NOX3: variants seen among roughly 807,000 people sequenced by gnomAD.
NOX3 encodes the protein NADPH oxidase catalytic subunit-like 3.
A neutral mutation model predicts 76.7 loss-of-function variants in NOX3; 74 were observed. The observed-to-expected ratio is 0.96, with a 90% CI of 0.80 to 1.17. The LOEUF is 1.17. NOX3 is among the 50% of genes most tolerant of loss of function. NOX3 has a pLI of 0.00. For missense variants in NOX3, 695 were observed against 703.3 expected, an observed-to-expected ratio of 0.99 and a Z score of 0.13; for synonymous variants, 263 against 261.1, an observed-to-expected ratio of 1.01 and a Z score of -0.07.
chr6:155,447,503 C>T (rs1777079330), intron 4 of NOX3, among the ~76,000 whole-genome samples: 1 of 152,130 alleles, frequency 6.6e-6, no homozygotes, highest in Admixed American at 6.5e-5. Flanking sequence ...TGCCAGGTCT[C>T]CCATAACAGA....
At chr6:155,414,112 C>A (rs910648134) in intron 10 of NOX3, among the ~76,000 whole-genome samples, 7 of 152,142 alleles carry the variant, frequency 4.6e-5, no homozygotes, top group Non-Finnish European at 1.0e-4. Context: ...GTAAGTGACA[C>A]TGGGCAGCTT....
At chr6:155,439,261 T>C (rs954806511) in intron 6 of NOX3, among the ~76,000 whole-genome samples, 2 of 152,198 alleles carry the variant, frequency 1.3e-5, no homozygotes, top group Non-Finnish European at 2.9e-5. Flanking sequence ...CAGACAGCAA[T>C]TGATGTATTA....
At chr6:155,439,768 A>G (rs1254955547) in intron 6 of NOX3, among the ~76,000 whole-genome samples, 188 bp downstream of exon 6, 1 of 152,156 alleles carries the variant, frequency 6.6e-6, no homozygotes, top group Non-Finnish European at 1.5e-5. Flanking sequence ...TAAATATAAT[A>G]CTTCACCATC....
At chr6:155,431,923 T>A (rs1776839372) in intron 7 of NOX3, among the ~76,000 whole-genome samples, 1 of 152,192 alleles carries the variant, frequency 6.6e-6, no homozygotes, top group African/African-American at 2.4e-5. Flanking sequence ...TGCATTGCCA[T>A]ATTATCGTGG....
chr6:155,453,337 TAAAAC>T (rs1268295106), intron 4 of NOX3, 62 bp downstream of exon 4: 3 of 1,274,470 alleles, frequency 2.4e-6, no homozygotes, highest in Non-Finnish European at 3.4e-6. Flanking sequence ...AAGGCAGAGT[TAAAAC>T]AAAACTATGA....
chr6:155,441,893 G>C (rs1046676155), intron 5 of NOX3, among the ~76,000 whole-genome samples: 6 of 152,152 alleles, frequency 3.9e-5, no homozygotes, highest in African/African-American at 1.4e-4. Context: ...GGACACAAAG[G>C]CATCCCCACT....
rs775954849 is a variant in NOX3, at chr6:155,436,488, C to T, written c.728G>A (p.Arg243Lys). 3 of 1,613,962 alleles carry T rather than the reference C, an allele frequency of 1.9e-6. No homozygotes were observed. The highest frequency in any genetic ancestry group is 2.5e-6 in the Non-Finnish European group (3 of 1,179,932). ...TGTCTGCCATTCTGCATAGCGGTCT[C>T]TACAGAAGGTGATGTTGTGCAGAGA... The part of the protein sequence containing the change: ...SLSLHNITFC[R>K]DRYAEWQTVA... Residue 243 changes from arginine to lysine, a missense_variant, in exon 7 of 14, where the codon AGA (arginine) becomes AAA (lysine). By Grantham distance (26) the Arg-to-Lys change is conservative. Transcript: ENST00000159060.
intron 6 of NOX3, among the ~76,000 whole-genome samples, chr6:155,437,200 G>A (rs1241560836): frequency 1.3e-5 from 2 of 152,190 alleles, no homozygotes; most frequent in Non-Finnish European, 2.9e-5. Flanking sequence ...TTTGCCATGA[G>A]TGCACTCCTG....
intron 5 of NOX3, 72 bp from the exon 6 acceptor site, chr6:155,440,209 A>ATT (rs561715949): frequency 2.7e-4 from 279 of 1,034,596 alleles, no homozygotes; most frequent in South Asian, 5.2e-4. Flanking sequence ...ATCCTGGCAT[A>ATT]TTTTTTTTTT....
chr6:155,396,834 G>A lies in NOX3; in HGVS notation c.*2C>T, dbSNP rs1250356761. ...ACAATGCCTGGACTTGACCTCCAAA[G>A]TCTAGAAGCTCTCCTTGTTGTAATA... On this transcript the variant is annotated 3_prime_UTR_variant, in exon 13 of 14. Transcript: ENST00000159060. 1.9e-6 allele frequency: 3 copies of A among 1,606,764 alleles called. No individual in the cohort carries two copies. Among genetic ancestry groups the A allele is most frequent in the Non-Finnish European group, 2.6e-6 (3 of 1,175,824 alleles).
intron 12 of NOX3, among the ~76,000 whole-genome samples, chr6:155,404,129 T>A (rs200336460): frequency 0.02 from 1,815 of 91,282 alleles, 13 homozygotes; most frequent in Admixed American, 0.024. Flanking sequence ...ATATATATAT[T>A]TTTTTTTTCC....
intron 7 of NOX3, 112 bp downstream of exon 7, chr6:155,436,306 G>T (rs1776902404): frequency 3.3e-6 from 4 of 1,195,866 alleles, no homozygotes; most frequent in Non-Finnish European, 4.9e-6. Flanking sequence ...ACTTAATAAA[G>T]AGTTGGCTTT....
intron 9 of NOX3, among the ~76,000 whole-genome samples, chr6:155,427,917 T>G (rs1294836689): frequency 2.6e-5 from 4 of 152,188 alleles, no homozygotes; most frequent in Non-Finnish European, 5.9e-5. Context: ...TTCTTCTTTT[T>G]TGAAACAAGG....
intron 7 of NOX3, among the ~76,000 whole-genome samples, chr6:155,435,003 C>G (rs1776882926): frequency 6.6e-6 from 1 of 152,144 alleles, no homozygotes; most frequent in Non-Finnish European, 1.5e-5. Flanking sequence ...AGCGCAGGAA[C>G]CCTTCCTTGT....
intron 10 of NOX3, 90 bp downstream of exon 10, chr6:155,422,604 T>G: frequency 7.8e-7 from 1 of 1,289,316 alleles, no homozygotes. Flanking sequence ...CATAGTTAAT[T>G]AAAATCCTCC....
chr6:155,440,243 G>T, intron 5 of NOX3, 106 bp from the exon 6 acceptor site: 2 of 856,796 alleles, frequency 2.3e-6, no homozygotes, highest in Non-Finnish European at 3.4e-6. Flanking sequence ...CAGTACTTGA[G>T]ATTTCAAGCA....
At position 155,398,982 on chromosome 6, in the gene NOX3, C is replaced by T. The variant is rs528682540; in HGVS notation, c.1581-2020G>A. On this transcript the variant is annotated intron_variant, in intron 12 of 13. Transcript: ENST00000159060. ...GATGGCTATTGGTGTCTGCCTGCTC[C>T]GTGAAGCTGAACAGAAGAGGTGGTG... 1.8e-3 allele frequency among the ~76,000 whole-genome samples: 280 copies of T among 152,248 alleles called. 3 individuals carry two copies. The highest frequency in any genetic ancestry group is 3.3e-3 in the Non-Finnish European group (224 of 68,018).
intron 1 of NOX3, among the ~76,000 whole-genome samples, chr6:155,455,466 C>T (rs1777202370): frequency 6.6e-6 from 1 of 152,180 alleles, no homozygotes; most frequent in Admixed American, 6.5e-5. Flanking sequence ...GTTCCAATTT[C>T]ATAGTCTAAT....
intron 10 of NOX3, among the ~76,000 whole-genome samples, chr6:155,412,766 C>T (rs1278101873): frequency 1.3e-4 from 20 of 152,190 alleles, no homozygotes; most frequent in Admixed American, 1.3e-3. Context: ...CATCCGTTCA[C>T]TGATTCAACA....
Sources: allele counts gnomAD v4.1 joint callset (sites outside exome capture counted in the v4.1 genomes callset), GRCh38; gene constraint gnomAD v4.1.1; transcripts MANE v1.5; gene names NCBI Gene and HGNC (gene_info 2026-07-23, HGNC 2026-07-21).